The following CHID1 variants were observed in gnomAD, a reference collection of about 807,000 sequenced individuals.
The protein encoded by CHID1 is chitinase domain containing 1.
In CHID1, 44 loss-of-function variants were observed where a neutral mutation model predicts 55.4. The ratio of observed to expected loss-of-function variants is 0.79; its 90% CI spans 0.62 to 1.02. The LOEUF (loss-of-function observed/expected upper bound fraction) is 1.02. CHID1 is among the 50% of genes least tolerant of loss of function. CHID1 has a pLI of 0.00. For synonymous variants in CHID1, 216 were observed against 212.9 expected, an observed-to-expected ratio of 1.01 and a Z score of -0.13; for missense variants, 491 against 515.3, an observed-to-expected ratio of 0.95 and a Z score of 0.46.
At chr11:904,343 T>G (rs1310100242) in intron 2 of CHID1, among the ~76,000 whole-genome samples, 1 of 152,098 alleles carries the variant, frequency 6.6e-6, no homozygotes, top group East Asian at 1.9e-4. Flanking sequence ...CCAAAAAGCA[T>G]GAGGCAAACA....
chr11:901,851 C>T (rs1278830541), intron 4 of CHID1, among the ~76,000 whole-genome samples: 1 of 152,192 alleles, frequency 6.6e-6, no homozygotes, highest in Non-Finnish European at 1.5e-5. Context: ...CACCTTCCCA[C>T]TTAGCACACC....
At chr11:899,890 G>T in intron 6 of CHID1, 114 bp downstream of exon 6, 2 of 701,462 alleles carry the variant, frequency 2.9e-6, no homozygotes, top group Non-Finnish European at 5.0e-6. Context: ...ACCAGAAGGT[G>T]CCCAGGGCAG....
chr11:880,157 G>A (rs1027134679), intron 10 of CHID1, among the ~76,000 whole-genome samples: 8 of 152,228 alleles, frequency 5.3e-5, no homozygotes, highest in Non-Finnish European at 1.2e-4. Flanking sequence ...AACGAGCCAG[G>A]GGCCCTGGGG....
chr11:893,543 C>T, intron 7 of CHID1, 24 bp from the exon 8 acceptor site: 1 of 1,528,480 alleles, frequency 6.5e-7, no homozygotes, highest in Non-Finnish European at 8.9e-7. Context: ...GAGATGGGGT[C>T]AGCAGTGCCT....
At chr11:891,742 G>A (rs746417093) in intron 8 of CHID1, among the ~76,000 whole-genome samples, 1 of 152,166 alleles carries the variant, frequency 6.6e-6, no homozygotes, top group Non-Finnish European at 1.5e-5. Flanking sequence ...CCTGAGACAG[G>A]TGCTGTCAGC....
chr11:893,363 C>T (rs1325923353), intron 8 of CHID1, 64 bp downstream of exon 8: 6 of 1,378,022 alleles, frequency 4.4e-6, no homozygotes, highest in Non-Finnish European at 6.0e-6. Context: ...CGACACCCTG[C>T]ACTGGCTGCC....
intron 2 of CHID1, 76 bp downstream of exon 2, chr11:904,630 C>G: frequency 1.3e-6 from 2 of 1,561,606 alleles, no homozygotes; most frequent in Non-Finnish European, 8.8e-7. Context: ...TCACAGGCCC[C>G]AGTGGACAGA....
chr11:883,086 A>C, intron 10 of CHID1, 62 bp downstream of exon 10: 9 of 1,535,064 alleles, frequency 5.9e-6, no homozygotes, highest in African/African-American at 1.4e-5. Flanking sequence ...CTGTCTCCTT[A>C]CACCCACACC....
At chr11:888,532 G>A (rs1850563718) in intron 8 of CHID1, among the ~76,000 whole-genome samples, 2 of 152,362 alleles carry the variant, frequency 1.3e-5, no homozygotes, top group Admixed American at 1.3e-4. Context: ...TGAGCAATGA[G>A]GTAACAGCTT....
chr11:890,187 G>A (rs1850701557), intron 8 of CHID1, among the ~76,000 whole-genome samples: 1 of 152,230 alleles, frequency 6.6e-6, no homozygotes, highest in Non-Finnish European at 1.5e-5. Context: ...CCTCAGCCTG[G>A]ACCTCGGCCC....
At chr11:876,689 C>G (rs1406783831) in intron 10 of CHID1, among the ~76,000 whole-genome samples, 2 of 152,354 alleles carry the variant, frequency 1.3e-5, no homozygotes, top group African/African-American at 4.8e-5. Context: ...GGCTGTGCAG[C>G]GTCAGCACTC....
rs954810231 is a variant in CHID1, at chr11:883,239, T to C, written c.868A>G (p.Lys290Glu). The C allele has an allele frequency of 1.1e-5, 18 of 1,614,170 alleles. No homozygotes were observed. The highest frequency in any genetic ancestry group is 1.5e-5 in the Non-Finnish European group (18 of 1,180,004). The change falls in exon 10 of 13, where the codon AAG becomes GAG. Residue 290 changes from lysine (K) to glutamate (E), a missense_variant. Transcript: ENST00000323578. Reference protein sequence around the residue: ...ACVQVLDPKSKWRSKILLGLN... With the variant: ...ACVQVLDPKSEWRSKILLGLN... The stretch of plus-strand genomic sequence containing the variant: ...CCCAGGAGGATTTTGCTTCGCCACT[T>C]GGACTTCGGGTCCAGGACCTGGACG...
rs116077988 is a variant in CHID1, at chr11:869,424, C to T, written c.*434G>A. On this transcript the variant is annotated 3_prime_UTR_variant, in exon 13 of 13. Transcript: ENST00000323578. ...GTGGAGCTCTCAGCTCTATCACTGC[C>T]AGGCCCTGGGGTGATGCTGGGCAGA... 1.6e-3 allele frequency: 316 copies of T among 195,508 alleles called. 1 individual carries two copies. The highest frequency in any genetic ancestry group is 7.1e-3 in the African/African-American group (305 of 42,920). The allele number at this position is 195,508 out of a possible 1,614,324, so 12.1% of individuals were successfully genotyped here.
intron 10 of CHID1, among the ~76,000 whole-genome samples, chr11:871,680 C>T (rs917315140): frequency 6.6e-6 from 1 of 152,186 alleles, no homozygotes; most frequent in Admixed American, 6.5e-5. Context: ...GCCTACAGCC[C>T]GGGTGCCATG....
At chr11:874,903 A>G (rs537871067) in intron 10 of CHID1, 1 of 152,440 alleles carries the variant, frequency 6.6e-6, no homozygotes, top group East Asian at 1.9e-4. Context: ...CTGGTGGTGC[A>G]CAGCTTCCTG....
intron 1 of CHID1, among the ~76,000 whole-genome samples, chr11:909,133 A>C (rs1852447902): frequency 6.6e-6 from 1 of 152,140 alleles, no homozygotes; most frequent in Non-Finnish European, 1.5e-5. Flanking sequence ...GGGTGCTCAC[A>C]CTGCAACCAG....
chr11:897,652 C>A lies in CHID1; in HGVS notation c.608+1688G>T, dbSNP rs181624990. On this transcript the variant is annotated intron_variant, in intron 7 of 12. Coordinates refer to ENST00000323578, the MANE Select transcript of CHID1 (RefSeq NM_023947.4). ...CCCATAGCCTTGCGGACATCCTTAC[C>A]CCCACTGCAGTGCGCCTCCCAGCCT... Among the ~76,000 whole-genome samples the A allele has an allele frequency of 2.0e-4, 30 of 152,358 alleles. No homozygotes were observed. In the East Asian group the frequency reaches 5.4e-3, roughly 27 times the overall value.
intron 8 of CHID1, among the ~76,000 whole-genome samples, chr11:885,949 G>A (rs182296778): frequency 5.3e-4 from 81 of 151,836 alleles, no homozygotes; most frequent in Admixed American, 3.7e-3. Context: ...TCAGGAGATC[G>A]AGACCATCCT....
chr11:903,411 G>A (rs928918361), intron 2 of CHID1, among the ~76,000 whole-genome samples: 14 of 152,350 alleles, frequency 9.2e-5, no homozygotes, highest in East Asian at 1.9e-4. Context: ...GCATGTGAGG[G>A]TGGACGGTCT....
Sources: gnomAD v4.1 joint callset for allele counts (sites outside exome capture counted in the v4.1 genomes callset) on GRCh38, gnomAD v4.1.1 for gene constraint, MANE v1.5 for transcripts, NCBI Gene and HGNC (gene_info 2026-07-23, HGNC 2026-07-21) for gene names.